RNF150: variants seen among roughly 807,000 people sequenced by gnomAD.
The protein encoded by RNF150 is ring finger protein 150.
A neutral mutation model predicts 39.3 loss-of-function variants in RNF150; 24 were observed. The ratio of observed to expected loss-of-function variants is 0.61; its 90% CI spans 0.44 to 0.86. The LOEUF (loss-of-function observed/expected upper bound fraction) is 0.86. RNF150 is among the 40% of genes least tolerant of loss of function. The pLI, the probability that RNF150 is intolerant of heterozygous loss-of-function variation, is 0.00. For missense variants in RNF150, 502 were observed against 587.8 expected, an observed-to-expected ratio of 0.85 and a Z score of 1.51; for synonymous variants, 255 against 227.3, an observed-to-expected ratio of 1.12 and a Z score of -1.10.
chr4:140,941,167 ATT>A (rs1732069547), intron 4 of RNF150, among the ~76,000 whole-genome samples: 2 of 152,228 alleles, frequency 1.3e-5, no homozygotes, highest in African/African-American at 2.4e-5. Flanking sequence ...TGGCTCTTAG[ATT>A]TCTGTCAACA....
intron 5 of RNF150, among the ~76,000 whole-genome samples, chr4:140,913,857 T>G (rs1362944993): frequency 6.6e-6 from 1 of 152,148 alleles, no homozygotes; most frequent in Non-Finnish European, 1.5e-5. Context: ...CTAAATCAAT[T>G]AAGGGAGGAT....
chr4:140,967,859 C>T lies in RNF150; in HGVS notation c.499G>A (p.Val167Met), dbSNP rs1271016427. The T allele has an allele frequency of 6.2e-6, 10 of 1,612,988 alleles. No homozygotes were observed. Among genetic ancestry groups the T allele is most frequent in the East Asian group, 2.2e-5 (1 of 44,846 alleles). Residue 167 changes from valine (V) to methionine (M), a missense_variant, in exon 2 of 7, where the codon GTG becomes ATG. By Grantham distance (21) the Val-to-Met change is conservative (BLOSUM62 1). Transcript: ENST00000515673. Reference sequence around the variant, plus strand: ...TTTGGCTCAGGAATCATTATGGCCACGATGTCTTCTACACCTGTGGTAAGA... The same window carrying T: ...TTTGGCTCAGGAATCATTATGGCCATGATGTCTTCTACACCTGTGGTAAGA... The part of the protein sequence containing the change: ...TMPHAGVEDI[V>M]AIMIPEPKGK...
chr4:140,999,780 C>T lies in RNF150; in HGVS notation c.485-31907G>A, dbSNP rs369710875. Among the ~76,000 whole-genome samples the T allele has an allele frequency of 1.7e-4, 26 of 151,592 alleles. No individual in the cohort carries two copies. In the East Asian group the frequency reaches 4.5e-3, roughly 26 times the overall value. ...TGAAACCCCATCTCTACTAAAAATA[C>T]AATAATTAGCCAGGTGTGGTGGCAT... On this transcript the variant is annotated intron_variant, in intron 1 of 6. Transcript: ENST00000515673.
At position 140,863,854 on chromosome 4, in the gene RNF150, G is replaced by T. The variant is rs779100030; in HGVS notation, c.*4407C>A. ...TTTAAGGATTTTTTTTTAAGTCAGG[G>T]TGATACATTCAATGGATAACTAAAT... On this transcript the variant is annotated 3_prime_UTR_variant, in exon 7 of 7. Transcript: ENST00000515673. 6.6e-6 allele frequency: 1 copy of T among 152,136 alleles called. No individual in the cohort carries two copies. The highest frequency in any genetic ancestry group is 1.5e-5 in the Non-Finnish European group (1 of 68,018). The allele number at this position is 152,136 out of a possible 1,614,324, so 9.4% of individuals were successfully genotyped here.
chr4:140,914,457 C>A (rs10009037), intron 5 of RNF150, among the ~76,000 whole-genome samples: 83,913 of 152,038 alleles, frequency 0.55, 23,649 homozygotes, highest in East Asian at 0.89. Context: ...GCATGGGAAA[C>A]CCCTCAAATA....
At chr4:140,870,619 C>T (rs983270336) in intron 6 of RNF150, among the ~76,000 whole-genome samples, 4 of 152,048 alleles carry the variant, frequency 2.6e-5, no homozygotes, top group African/African-American at 7.2e-5. Context: ...TCAGCAGGGT[C>T]GTGGCGTGCT....
chr4:141,049,447 T>TA (rs1736698849), intron 1 of RNF150, among the ~76,000 whole-genome samples: 1 of 151,702 alleles, frequency 6.6e-6, no homozygotes, highest in African/African-American at 2.4e-5. Flanking sequence ...TCTAGTAAAA[T>TA]AAAAAAATCT....
At chr4:140,873,632 C>T (rs1729038820) in intron 6 of RNF150, among the ~76,000 whole-genome samples, 1 of 152,168 alleles carries the variant, frequency 6.6e-6, no homozygotes, top group Non-Finnish European at 1.5e-5. Context: ...ATCTTCTTAT[C>T]ACAATGTTAC....
chr4:140,887,161 T>C (rs1329160585), intron 6 of RNF150, among the ~76,000 whole-genome samples: 2 of 152,208 alleles, frequency 1.3e-5, no homozygotes, highest in East Asian at 3.8e-4. Context: ...CAGGCTAAAT[T>C]ACCACAGCTC....
chr4:141,163,184 C>T (rs770397140), intron 1 of RNF150, among the ~76,000 whole-genome samples: 27 of 152,176 alleles, frequency 1.8e-4, no homozygotes, highest in Non-Finnish European at 2.8e-4. Context: ...ACAAAGCCAC[C>T]GGGAAGTTTG....
At chr4:140,964,665 T>C (rs1032061473) in intron 2 of RNF150, among the ~76,000 whole-genome samples, 1 of 152,058 alleles carries the variant, frequency 6.6e-6, no homozygotes, top group Non-Finnish European at 1.5e-5. Flanking sequence ...AATGGGAAGA[T>C]TAAACATCAT....
intron 1 of RNF150, among the ~76,000 whole-genome samples, chr4:141,113,759 A>G (rs1432061976): frequency 1.3e-5 from 2 of 152,224 alleles, no homozygotes; most frequent in African/African-American, 2.4e-5. Context: ...AATTGACCAC[A>G]TAATTGGAAG....
At chr4:140,959,504 T>G (rs1337721634) in intron 2 of RNF150, among the ~76,000 whole-genome samples, 1 of 152,090 alleles carries the variant, frequency 6.6e-6, no homozygotes, top group African/African-American at 2.4e-5. Flanking sequence ...AGAGAGAGCT[T>G]GAAACAATTA....
chr4:140,894,818 C>T (rs1274438109), intron 6 of RNF150, among the ~76,000 whole-genome samples: 3 of 152,122 alleles, frequency 2.0e-5, no homozygotes, highest in Admixed American at 6.5e-5. Flanking sequence ...GAGACTATGT[C>T]GGCAGTTTCC....
chr4:140,997,688 C>CTGTGTGTGTATATATACACACACATATG (rs1560676657), intron 1 of RNF150, among the ~76,000 whole-genome samples: 1 of 137,054 alleles, frequency 7.3e-6, no homozygotes, highest in Non-Finnish European at 1.6e-5. Flanking sequence ...GCACTCCAGC[C>CTGTGTGTGTATATATACACACACATATG]TGTGTGTGTA....
chr4:141,091,409 C>T (rs971465018), intron 1 of RNF150, among the ~76,000 whole-genome samples: 8 of 152,124 alleles, frequency 5.3e-5, no homozygotes, highest in African/African-American at 1.9e-4. Context: ...TGATATTTGC[C>T]TTCAAATATT....
chr4:141,206,912 G>A (rs910862161), intron 1 of RNF150, among the ~76,000 whole-genome samples: 2 of 152,038 alleles, frequency 1.3e-5, no homozygotes, highest in African/African-American at 4.8e-5. Flanking sequence ...GAACCCCCGA[G>A]AAGCTGCTGG....
At chr4:141,035,484 G>A (rs1237781360) in intron 1 of RNF150, among the ~76,000 whole-genome samples, 1 of 152,156 alleles carries the variant, frequency 6.6e-6, no homozygotes, top group Non-Finnish European at 1.5e-5. Flanking sequence ...ATATCAATGG[G>A]GAAAAATGTA....
intron 1 of RNF150, among the ~76,000 whole-genome samples, chr4:141,181,458 C>A (rs186907507): frequency 6.6e-6 from 1 of 152,238 alleles, no homozygotes; most frequent in East Asian, 1.9e-4. Context: ...ATTCTGAAAG[C>A]TGAGCAATTT....
Sources: gnomAD v4.1 joint callset for allele counts (sites outside exome capture counted in the v4.1 genomes callset) on GRCh38, gnomAD v4.1.1 for gene constraint, MANE v1.5 for transcripts, NCBI Gene and HGNC (gene_info 2026-07-23, HGNC 2026-07-21) for gene names.